WDR19: variants seen among roughly 807,000 people sequenced by gnomAD.
WDR19 encodes the protein WD repeat-containing protein 19.
Under a neutral mutation model 180.0 loss-of-function variants are expected in WDR19, and 121 were observed. The observed-to-expected ratio is 0.67, with a 90% CI of 0.58 to 0.78. The LOEUF (loss-of-function observed/expected upper bound fraction) is 0.78, where lower values mean the gene tolerates loss of function less well. WDR19 is among the 30% of genes least tolerant of loss of function. The probability of loss-of-function intolerance (pLI) is 0.00; values close to 1 mark genes in which losing one functional copy is unlikely to be tolerated. For synonymous variants in WDR19, 497 were observed against 540.7 expected (o/e 0.92, Z 1.12); for missense variants, 1,450 against 1,640.7 (o/e 0.88, Z 2.01).
Position 39,234,771 on chromosome 4 carries a change from A to C in WDR19, c.2259A>C (p.Arg753Ser). 1 of 1,573,784 alleles carries C rather than the reference A, an allele frequency of 6.4e-7. No homozygotes were observed. Among genetic ancestry groups the C allele is most frequent in the Non-Finnish European group, 8.6e-7 (1 of 1,157,892 alleles). The stretch of plus-strand genomic sequence containing the variant: ...GGTCTTTCTCTTCTTAACAGATGAG[A>C]AGGGATTTACAGCATTGGGACAGTG... ...SSCPIAALEM[R>S]RDLQHWDSAL... The change falls in exon 20 of 37, where the codon AGA becomes AGC. Residue 753 changes from arginine (R) to serine (S), a missense_variant. Coordinates refer to ENST00000399820, the MANE Select transcript of WDR19 (RefSeq NM_025132.4).
chr4:39,262,136 C>T (rs1332222029), intron 28 of WDR19, among the ~76,000 whole-genome samples: 1 of 152,136 alleles, frequency 6.6e-6, no homozygotes, highest in Non-Finnish European at 1.5e-5. Context: ...ATATGACTAA[C>T]CTACAGACAC....
In WDR19 at chr4:39,231,909, C is replaced by G; in HGVS notation, c.2095C>G (p.Arg699Gly). ...MEVEFAIRVY[R>G]RIGNVGIVMS... Reference sequence around the variant, plus strand: ...AGTGGAGTTTGCAATCCGTGTTTATCGGAGAATTGGAAATGTTGGCATAGT... The same window carrying G: ...AGTGGAGTTTGCAATCCGTGTTTATGGGAGAATTGGAAATGTTGGCATAGT... Residue 699 changes from arginine to glycine, a missense_variant, in exon 18 of 37, where the codon CGG becomes GGG. Coordinates refer to ENST00000399820, the MANE Select transcript of WDR19 (RefSeq NM_025132.4). The G allele has an allele frequency of 6.2e-7, 1 of 1,613,410 alleles. No homozygotes were observed. The highest frequency in any genetic ancestry group is 8.5e-7 in the Non-Finnish European group (1 of 1,179,564).
intron 36 of WDR19, among the ~76,000 whole-genome samples, chr4:39,279,716 T>C (rs2109530349): frequency 6.6e-6 from 1 of 150,968 alleles, no homozygotes; most frequent in African/African-American, 2.4e-5. Flanking sequence ...TTTTTTTTTT[T>C]TTTTTGAGAC....
chr4:39,264,174 G>C (rs573289210), intron 28 of WDR19, among the ~76,000 whole-genome samples: 15 of 152,156 alleles, frequency 9.9e-5, no homozygotes, highest in Admixed American at 5.9e-4. Flanking sequence ...TGCCCATATT[G>C]AGGCCCCAAG....
At chr4:39,201,157 G>A (rs927221377) in intron 6 of WDR19, among the ~76,000 whole-genome samples, 3 of 152,038 alleles carry the variant, frequency 2.0e-5, no homozygotes, top group African/African-American at 4.8e-5. Flanking sequence ...AAATTGTACC[G>A]AGTCTCAGGT....
chr4:39,248,981 A>T (rs1732834021), intron 24 of WDR19, among the ~76,000 whole-genome samples: 1 of 152,334 alleles, frequency 6.6e-6, no homozygotes, highest in South Asian at 2.1e-4. Context: ...CAGGAATTGA[A>T]CTCAGCTCTG....
At chr4:39,279,789 C>T (rs1328857843) in intron 36 of WDR19, among the ~76,000 whole-genome samples, 1 of 150,528 alleles carries the variant, frequency 6.6e-6, no homozygotes, top group Non-Finnish European at 1.5e-5. Flanking sequence ...GCAACCTCTG[C>T]CTCCCAGATT....
At chr4:39,264,196 C>T (rs1041111843) in intron 28 of WDR19, among the ~76,000 whole-genome samples, 12 of 152,136 alleles carry the variant, frequency 7.9e-5, no homozygotes, top group Non-Finnish European at 1.8e-4. Context: ...GTAATCTGCC[C>T]ACGATCACAT....
chr4:39,284,645 TAA>T (rs144371093), intron 36 of WDR19, among the ~76,000 whole-genome samples: 27,143 of 132,108 alleles, frequency 0.21, 3,805 homozygotes, highest in African/African-American at 0.41. Flanking sequence ...CCTGGCTTTC[TAA>T]AAAAAAAAAA....
chr4:39,204,540 T>C (rs1337478945), intron 7 of WDR19, among the ~76,000 whole-genome samples: 2 of 152,342 alleles, frequency 1.3e-5, no homozygotes, highest in East Asian at 1.9e-4. Context: ...TGACTTACAA[T>C]TGAGAGCATC....
chr4:39,222,527 A>G, intron 14 of WDR19, among the ~76,000 whole-genome samples: 1 of 152,088 alleles, frequency 6.6e-6, no homozygotes, highest in East Asian at 1.9e-4. Flanking sequence ...GTTTTCTTCT[A>G]GAAATTTTAT....
chr4:39,275,856 AG>A (rs1394671796), intron 33 of WDR19, among the ~76,000 whole-genome samples: 3 of 152,212 alleles, frequency 2.0e-5, no homozygotes, highest in Non-Finnish European at 4.4e-5. Flanking sequence ...TCATATTCAC[AG>A]GGCCCACTGC....
At chr4:39,220,224 GCAAA>G (rs1288800571) in intron 14 of WDR19, among the ~76,000 whole-genome samples, 15 of 151,848 alleles carry the variant, frequency 9.9e-5, no homozygotes, top group East Asian at 1.9e-4. Context: ...CGTCTGAAAA[GCAAA>G]CAAACAAACA....
chr4:39,193,131 T>A (rs1003612523), intron 4 of WDR19, among the ~76,000 whole-genome samples: 1 of 152,036 alleles, frequency 6.6e-6, no homozygotes, highest in African/African-American at 2.4e-5. Context: ...ATGTTACTAC[T>A]CCCTTACTTG....
chr4:39,188,126 G>A (rs898980176), intron 3 of WDR19, among the ~76,000 whole-genome samples: 2 of 151,988 alleles, frequency 1.3e-5, no homozygotes, highest in African/African-American at 4.8e-5. Flanking sequence ...TTAAGAAATT[G>A]TAAAGTTTTT....
At chr4:39,227,326 T>A (rs1730379705) in intron 15 of WDR19, among the ~76,000 whole-genome samples, 1 of 152,242 alleles carries the variant, frequency 6.6e-6, no homozygotes, top group Admixed American at 6.5e-5. Flanking sequence ...CAAGCCTACC[T>A]GCCTGAGTTC....
chr4:39,221,347 A>G, intron 14 of WDR19, among the ~76,000 whole-genome samples: 1 of 152,212 alleles, frequency 6.6e-6, no homozygotes, highest in Admixed American at 6.5e-5. Context: ...AGATTTCCTG[A>G]TGGAAAATCT....
At chr4:39,200,098 A>G (rs1021521991) in intron 6 of WDR19, among the ~76,000 whole-genome samples, 2 of 152,232 alleles carry the variant, frequency 1.3e-5, no homozygotes, top group African/African-American at 2.4e-5. Flanking sequence ...GGGAATTTGT[A>G]TCGCCAGTAG....
At chr4:39,233,249 G>A (rs1731061973) in intron 19 of WDR19, among the ~76,000 whole-genome samples, 1 of 152,206 alleles carries the variant, frequency 6.6e-6, no homozygotes, top group Non-Finnish European at 1.5e-5. Context: ...AGGGCCTAGA[G>A]CAGGATGAAG....
Sources: allele counts gnomAD v4.1 joint callset (sites outside exome capture counted in the v4.1 genomes callset), GRCh38; gene constraint gnomAD v4.1.1; transcripts MANE v1.5; gene names NCBI Gene and HGNC (gene_info 2026-07-23, HGNC 2026-07-21).